Variants in RCSD1 observed in about 807,000 individuals in gnomAD.
The protein encoded by RCSD1 is RCSD domain containing 1.
RCSD1 carries 26 observed loss-of-function variants against 42.5 expected under a neutral mutation model. The observed-to-expected ratio is 0.61, with a 90% confidence interval of 0.45 to 0.85. The LOEUF is 0.85. RCSD1 is among the 40% of genes least tolerant of loss of function. The pLI is 0.00. For synonymous variants in RCSD1, 220 were observed against 212.2 expected (o/e 1.04, Z -0.32); for missense variants, 571 against 528.3 (o/e 1.08, Z -0.79).
At chr1:167,635,139 G>T (rs1044856372) in intron 1 of RCSD1, among the ~76,000 whole-genome samples, 10 of 152,166 alleles carry the variant, frequency 6.6e-5, no homozygotes, top group Non-Finnish European at 1.3e-4. Flanking sequence ...ATATTTCACC[G>T]TGAAACACTA....
chr1:167,692,655 C>T (rs1659403242), intron 4 of RCSD1, among the ~76,000 whole-genome samples: 1 of 152,116 alleles, frequency 6.6e-6, no homozygotes, highest in African/African-American at 2.4e-5. Flanking sequence ...ACCACTGCAC[C>T]CAGCTTCATA....
chr1:167,654,573 C>T (rs1033806650), intron 1 of RCSD1, among the ~76,000 whole-genome samples: 2 of 152,124 alleles, frequency 1.3e-5, no homozygotes, highest in Admixed American at 1.3e-4. Flanking sequence ...TCCATAGTTA[C>T]CTTTCTGGAA....
At chr1:167,701,252 G>GTTTCTTTCTTTC (rs11446259) in intron 6 of RCSD1, among the ~76,000 whole-genome samples, 3,626 of 96,052 alleles carry the variant, frequency 0.038, 160 homozygotes, top group East Asian at 0.11. Context: ...CAATTGCCTA[G>GTTTCTTTCTTTC]TTTCTTTCTT....
At chr1:167,677,477 G>A (rs28627727) in intron 1 of RCSD1, among the ~76,000 whole-genome samples, 6 of 152,220 alleles carry the variant, frequency 3.9e-5, no homozygotes, top group South Asian at 2.1e-4. Context: ...TGTGCCTTTC[G>A]CCAAAGATGA....
intron 1 of RCSD1, among the ~76,000 whole-genome samples, chr1:167,652,926 A>G (rs1306606773): frequency 6.6e-6 from 1 of 152,250 alleles, no homozygotes; most frequent in African/African-American, 2.4e-5. Flanking sequence ...AATTTTGAAT[A>G]AACTGCATTC....
At chr1:167,630,615 C>T in intron 1 of RCSD1, 186 bp downstream of exon 1, 1 of 477,136 alleles carries the variant, frequency 2.1e-6, no homozygotes, top group Non-Finnish European at 3.4e-6. Flanking sequence ...CCTGGTCCCA[C>T]CTAGGACACC....
chr1:167,660,712 A>G (rs1172683772), intron 1 of RCSD1, among the ~76,000 whole-genome samples: 2 of 152,096 alleles, frequency 1.3e-5, no homozygotes, highest in Admixed American at 6.5e-5. Context: ...GGCTTCAAGC[A>G]ATCCTTCTGA....
In RCSD1 at chr1:167,697,844, TA is replaced by T; in HGVS notation, c.1218+3del. 1.4e-6 allele frequency: 2 copies of T among 1,459,918 alleles called. No individual in the cohort carries two copies. Among genetic ancestry groups the T allele is most frequent in the Non-Finnish European group, 1.8e-6 (2 of 1,105,882 alleles). The allele number at this position is 1,459,918 out of a possible 1,614,324, so 90.4% of individuals were successfully genotyped here. A position where few individuals can be genotyped will look rare whatever the true frequency, so the allele number is the denominator to read the frequency against. ...GAGCCAGCAGTCCCCAAGCCGGAGG[TA>T]GGTGGCCTGGCTCGTTCACATGCAG... On this transcript the variant is annotated splice_donor_region_variant and intron_variant, in intron 6 of 6. Coordinates refer to ENST00000367854, the MANE Select transcript of RCSD1 (RefSeq NM_052862.4).
chr1:167,654,702 G>A (rs1185407263), intron 1 of RCSD1, among the ~76,000 whole-genome samples: 4 of 152,154 alleles, frequency 2.6e-5, no homozygotes, highest in Non-Finnish European at 5.9e-5. Context: ...ATGTGGGCAG[G>A]AGAGGGCAGA....
intron 1 of RCSD1, among the ~76,000 whole-genome samples, chr1:167,654,953 G>C (rs114495089): frequency 6.6e-6 from 1 of 152,154 alleles, no homozygotes; most frequent in African/African-American, 2.4e-5. Context: ...CCTGAGTTCA[G>C]CTGGGTCCTG....
chr1:167,662,119 C>G (rs916008871), intron 1 of RCSD1, among the ~76,000 whole-genome samples: 17 of 152,220 alleles, frequency 1.1e-4, no homozygotes, highest in African/African-American at 3.9e-4. Flanking sequence ...TCTTAGAGCC[C>G]CTGCTTCCTG....
At chr1:167,660,248 G>A (rs34986837) in intron 1 of RCSD1, among the ~76,000 whole-genome samples, 18,488 of 152,096 alleles carry the variant, frequency 0.12, 1,308 homozygotes, top group African/African-American at 0.18. Flanking sequence ...TACTTGCCCA[G>A]GGTCACATAA....
chr1:167,667,095 T>C (rs1658676422), intron 1 of RCSD1, among the ~76,000 whole-genome samples: 1 of 150,666 alleles, frequency 6.6e-6, no homozygotes, highest in Non-Finnish European at 1.5e-5. Context: ...CCAAGACTCC[T>C]TTTGGTCCCA....
chr1:167,654,615 C>T (rs1658382300), intron 1 of RCSD1, among the ~76,000 whole-genome samples: 2 of 152,062 alleles, frequency 1.3e-5, no homozygotes, highest in Admixed American at 1.3e-4. Context: ...ATATTCTCTA[C>T]TAAGATGTTT....
chr1:167,656,615 A>G (rs993385668), intron 1 of RCSD1, among the ~76,000 whole-genome samples: 2 of 152,238 alleles, frequency 1.3e-5, no homozygotes, highest in Admixed American at 1.3e-4. Flanking sequence ...ACAGGTAGAC[A>G]GTGGGCTAGA....
intron 6 of RCSD1, among the ~76,000 whole-genome samples, chr1:167,700,256 A>G (rs1240068584): frequency 6.6e-6 from 1 of 152,160 alleles, no homozygotes; most frequent in Non-Finnish European, 1.5e-5. Flanking sequence ...CTCACGCTAG[A>G]TCAGGGAGAA....
At chr1:167,666,035 C>T (rs1197833940) in intron 1 of RCSD1, among the ~76,000 whole-genome samples, 2 of 152,252 alleles carry the variant, frequency 1.3e-5, no homozygotes, top group East Asian at 1.9e-4. Flanking sequence ...TGTTCTCAAA[C>T]TCCTGGCCTT....
rs565666134 is a variant in RCSD1, at chr1:167,707,546, G to A, written c.*2850G>A. ...CAAGTGATGTCAGGAATCTCTCATG[G>A]TATTGGTCTCTGCTTTCCCTCGTAT... On this transcript the variant is annotated 3_prime_UTR_variant, in exon 7 of 7. Coordinates refer to ENST00000367854, the MANE Select transcript of RCSD1 (RefSeq NM_052862.4). Among the ~76,000 whole-genome samples, 2 of 151,754 alleles carry A rather than the reference G, an allele frequency of 1.3e-5. No homozygotes were observed. Among genetic ancestry groups the A allele is most frequent in the Non-Finnish European group, 2.9e-5 (2 of 67,906 alleles).
At chr1:167,691,028 T>A (rs1659363944) in intron 4 of RCSD1, among the ~76,000 whole-genome samples, 2 of 151,366 alleles carry the variant, frequency 1.3e-5, no homozygotes, top group Non-Finnish European at 3.0e-5. Context: ...AAGGAGCTGA[T>A]GCCAGAGATC....
Sources: allele counts gnomAD v4.1 joint callset (sites outside exome capture counted in the v4.1 genomes callset), GRCh38; gene constraint gnomAD v4.1.1; transcripts MANE v1.5; gene names NCBI Gene and HGNC (gene_info 2026-07-23, HGNC 2026-07-21).